The following PCDHA12 variants were observed in gnomAD, a reference collection of about 807,000 sequenced individuals.
The protein encoded by PCDHA12 is protocadherin alpha 12.
PCDHA12 carries 44 observed loss-of-function variants against 60.0 expected under a neutral mutation model. That is an observed-to-expected ratio of 0.73 (90% CI 0.58 to 0.94). The LOEUF (loss-of-function observed/expected upper bound fraction) is 0.94. Ranked by LOEUF, PCDHA12 falls within the 40% of genes least tolerant of loss-of-function variation. The pLI is 0.00. For synonymous variants in PCDHA12, 569 were observed against 553.0 expected, an observed-to-expected ratio of 1.03 and a Z score of -0.40; for missense variants, 1,276 against 1,239.7, an observed-to-expected ratio of 1.03 and a Z score of -0.44.
intron 3 of PCDHA12, among the ~76,000 whole-genome samples, chr5:140,985,532 G>C (rs1358120172): frequency 6.6e-6 from 1 of 152,072 alleles, no homozygotes; most frequent in African/African-American, 2.4e-5. Flanking sequence ...AAAGCTTCAC[G>C]GTGAAGATGC....
chr5:140,994,473 C>T (rs1199561805), intron 3 of PCDHA12, among the ~76,000 whole-genome samples: 2 of 152,038 alleles, frequency 1.3e-5, no homozygotes, highest in Admixed American at 6.5e-5. Flanking sequence ...GAGGCTGAGG[C>T]GGGTGGATTG....
At position 140,951,558 on chromosome 5, in the gene PCDHA12, C is replaced by T. The variant is rs79908970; in HGVS notation, c.2368-27391C>T. On this transcript the variant is annotated intron_variant, in intron 1 of 3. Coordinates refer to ENST00000398631, the MANE Select transcript of PCDHA12 (RefSeq NM_018903.4). The stretch of plus-strand genomic sequence containing the variant: ...GAGCAAGGGACGGGGGGAAGTGCTA[C>T]GCACTTTTAAACAACCAGATTTCAC... Among the ~76,000 whole-genome samples the T allele has an allele frequency of 3.7e-4, 56 of 152,112 alleles. No individual in the cohort carries two copies. In the East Asian group the frequency reaches 9.5e-3, roughly 26 times the overall value.
At chr5:140,945,034 C>T (rs1218648203) in intron 1 of PCDHA12, among the ~76,000 whole-genome samples, 1 of 152,066 alleles carries the variant, frequency 6.6e-6, no homozygotes, top group East Asian at 1.9e-4. Flanking sequence ...ACATAATTAT[C>T]TTTGGTCTTA....
chr5:140,897,253 T>C (rs1481151592), intron 1 of PCDHA12, among the ~76,000 whole-genome samples: 1 of 151,928 alleles, frequency 6.6e-6, no homozygotes, highest in East Asian at 1.9e-4. Flanking sequence ...TACATATGTA[T>C]ACATGTGCCA....
intron 1 of PCDHA12, among the ~76,000 whole-genome samples, chr5:140,890,676 C>T (rs1377876863): frequency 3.3e-5 from 5 of 152,164 alleles, no homozygotes; most frequent in African/African-American, 1.2e-4. Flanking sequence ...AACCCTTCCT[C>T]CTTCTGGGAA....
chr5:140,921,634 T>C (rs1324251436), intron 1 of PCDHA12, among the ~76,000 whole-genome samples: 1 of 152,220 alleles, frequency 6.6e-6, no homozygotes, highest in Non-Finnish European at 1.5e-5. Context: ...ATCATTATGG[T>C]AGCTATTTTA....
chr5:140,928,791 G>A, intron 1 of PCDHA12: 1 of 1,614,138 alleles, frequency 6.2e-7, no homozygotes, highest in South Asian at 1.1e-5. Flanking sequence ...TTAAGCAGAG[G>A]GTGGTGGTAG....
chr5:140,899,127 C>T (rs1487430888), intron 1 of PCDHA12, among the ~76,000 whole-genome samples: 16 of 152,302 alleles, frequency 1.1e-4, no homozygotes, highest in African/African-American at 3.9e-4. Context: ...ACAATCATGT[C>T]TTCTGCAAAC....
chr5:140,927,260 T>G, intron 1 of PCDHA12: 2 of 1,614,070 alleles, frequency 1.2e-6, no homozygotes, highest in Non-Finnish European at 1.7e-6. Flanking sequence ...AACTCACCTC[T>G]CTTTCCTGCC....
intron 1 of PCDHA12, chr5:140,967,704 G>A: frequency 6.2e-7 from 1 of 1,614,196 alleles, no homozygotes; most frequent in Non-Finnish European, 8.5e-7. Context: ...ATAGATGCCA[G>A]TACCGGGGAA....
In PCDHA12 at chr5:141,011,141, A is replaced by G. The variant is rs1039778930; in HGVS notation, c.*1204A>G. 3.9e-5 allele frequency: 6 copies of G among 153,668 alleles called. No homozygotes were observed. In the Admixed American group the frequency reaches 3.9e-4, roughly 10 times the overall value. The allele number at this position is 153,668 out of a possible 1,614,324, so 9.5% of individuals were successfully genotyped here. On this transcript the variant is annotated 3_prime_UTR_variant, in exon 4 of 4. Coordinates refer to ENST00000398631, the MANE Select transcript of PCDHA12 (RefSeq NM_018903.4). Reference sequence around the variant, plus strand: ...ACAATTATGTGCACTTTGATACACAACCTTCTCTAACCAACTATATATCAA... The same window carrying G: ...ACAATTATGTGCACTTTGATACACAGCCTTCTCTAACCAACTATATATCAA...
Position 140,880,405 on chromosome 5 carries a change from G to T in PCDHA12, c.2367+2566G>T, listed in dbSNP as rs183953148. Among the ~76,000 whole-genome samples, 426 of 152,300 alleles carry T rather than the reference G, an allele frequency of 2.8e-3. 2 individuals carry two copies. The highest frequency in any genetic ancestry group is 0.014 in the Middle Eastern group (4 of 294). On this transcript the variant is annotated intron_variant, in intron 1 of 3. Coordinates refer to ENST00000398631, the MANE Select transcript of PCDHA12 (RefSeq NM_018903.4). ...AAATAATTTTTAAGAGCATATGGTTGACCTTAAAAGCGGGAACAGTTTTTC... is the reference window on the plus strand; with the variant it reads ...AAATAATTTTTAAGAGCATATGGTTTACCTTAAAAGCGGGAACAGTTTTTC...
In PCDHA12 at chr5:140,876,137, T is replaced by G. The variant is rs782331817; in HGVS notation, c.665T>G (p.Leu222Arg). The G allele has an allele frequency of 1.2e-6, 2 of 1,613,916 alleles. No homozygotes were observed. Among genetic ancestry groups the G allele is most frequent in the Non-Finnish European group, 8.5e-7 (1 of 1,179,886 alleles). The change falls in exon 1 of 4, where the codon CTA becomes CGA. Residue 222 changes from leucine to arginine, a missense_variant. Coordinates refer to ENST00000398631, the MANE Select transcript of PCDHA12 (RefSeq NM_018903.4). ...GTAATCGATGGCGGTAAACCAGAAC[T>G]AACAGGGTCTGTCCAGATTCAAATA... Reference protein sequence around the residue: ...LMVIDGGKPELTGSVQIQITV... With the variant: ...LMVIDGGKPERTGSVQIQITV...
At chr5:140,927,899 A>G (rs1554205221) in intron 1 of PCDHA12, 2 of 1,614,194 alleles carry the variant, frequency 1.2e-6, no homozygotes, top group Admixed American at 1.7e-5. Context: ...GTGAACGATC[A>G]TGCCCCCGAA....
chr5:140,911,778 A>G (rs2075636196), intron 1 of PCDHA12, among the ~76,000 whole-genome samples: 1 of 152,228 alleles, frequency 6.6e-6, no homozygotes, highest in Admixed American at 6.5e-5. Flanking sequence ...TACAGTCCTT[A>G]GCATTTTTGG....
At chr5:140,993,460 T>A (rs1416332490) in intron 3 of PCDHA12, among the ~76,000 whole-genome samples, 1 of 104,506 alleles carries the variant, frequency 9.6e-6, no homozygotes, top group Non-Finnish European at 1.9e-5. Context: ...CTTCTTTCTT[T>A]CTCACACACA....
intron 3 of PCDHA12, among the ~76,000 whole-genome samples, chr5:141,007,379 C>G (rs1178671835): frequency 7.1e-6 from 1 of 139,926 alleles, no homozygotes; most frequent in Non-Finnish European, 1.5e-5. Flanking sequence ...GATGGAACAC[C>G]ATCTCTACTA....
At chr5:140,949,626 G>A (rs2094403314) in intron 1 of PCDHA12, among the ~76,000 whole-genome samples, 1 of 151,546 alleles carries the variant, frequency 6.6e-6, no homozygotes, top group Non-Finnish European at 1.5e-5. Context: ...CTGTTTTCAT[G>A]GCATATTGCT....
intron 1 of PCDHA12, among the ~76,000 whole-genome samples, chr5:140,974,875 A>G (rs934874769): frequency 1.6e-4 from 24 of 152,174 alleles, no homozygotes; most frequent in Non-Finnish European, 1.9e-4. Context: ...GGAACAGTCT[A>G]TGTATCCCTT....
Sources: gnomAD v4.1 joint callset for allele counts (sites outside exome capture counted in the v4.1 genomes callset) on GRCh38, gnomAD v4.1.1 for gene constraint, MANE v1.5 for transcripts, NCBI Gene and HGNC (gene_info 2026-07-23, HGNC 2026-07-21) for gene names.